The following CCDC179 variants were observed in gnomAD, a reference collection of about 807,000 sequenced individuals.
CCDC179 encodes the protein coiled-coil domain-containing protein 179.
A neutral mutation model predicts 12.0 loss-of-function variants in CCDC179; 17 were observed. The ratio of observed to expected loss-of-function variants is 1.42; its 90% CI spans 0.97 to 2.13. The LOEUF (loss-of-function observed/expected upper bound fraction) is 2.13, where lower values mean the gene tolerates loss of function less well. Ranked by LOEUF, CCDC179 falls within the 30% of genes most tolerant of loss-of-function variation. The pLI is 0.00. For missense variants in CCDC179, 83 were observed against 78.6 expected, an observed-to-expected ratio of 1.06 and a Z score of -0.21; for synonymous variants, 27 against 26.4, an observed-to-expected ratio of 1.02 and a Z score of -0.07.
chr11:22,847,457 A>G lies in CCDC179; in HGVS notation c.*53T>C. 3.3e-6 allele frequency: 4 copies of G among 1,229,530 alleles called. No individual in the cohort carries two copies. Among genetic ancestry groups the G allele is most frequent in the Admixed American group, 2.4e-5 (1 of 41,344 alleles). The allele number at this position is 1,229,530 out of a possible 1,614,324, so 76.2% of individuals were successfully genotyped here. A position where few individuals can be genotyped will look rare whatever the true frequency, so the allele number is the denominator to read the frequency against. On this transcript the variant is annotated 3_prime_UTR_variant, in exon 4 of 4. Transcript: ENST00000532798. ...CATGATATGTCACTTGATGTTCACAATCCACATATTTCTGTCTGGAGCATG... is the reference window on the plus strand; with the variant it reads ...CATGATATGTCACTTGATGTTCACAGTCCACATATTTCTGTCTGGAGCATG...
At chr11:22,857,201 A>C (rs909070145) in intron 3 of CCDC179, among the ~76,000 whole-genome samples, 6 of 151,700 alleles carry the variant, frequency 4.0e-5, no homozygotes, top group Admixed American at 6.6e-5. Flanking sequence ...GAAAAGTTCC[A>C]GAAAAGCCAA....
chr11:22,847,423 T>G lies in CCDC179; in HGVS notation c.*87A>C. 1 of 765,190 alleles carries G rather than the reference T, an allele frequency of 1.3e-6. No individual in the cohort carries two copies. The highest frequency in any genetic ancestry group is 1.9e-6 in the Non-Finnish European group (1 of 514,278). The allele number at this position is 765,190 out of a possible 1,614,324, so 47.4% of individuals were successfully genotyped here. On this transcript the variant is annotated 3_prime_UTR_variant, in exon 4 of 4. Transcript: ENST00000532798. ...TGGAGTATTGCATTTATTTTGTGGA[T>G]GATCAATTCATGATATGTCACTTGA...
chr11:22,848,289 C>CA (rs1858275511), intron 3 of CCDC179, among the ~76,000 whole-genome samples: 1 of 151,912 alleles, frequency 6.6e-6, no homozygotes, highest in African/African-American at 2.4e-5. Flanking sequence ...ACTAAAAATA[C>CA]AAAAATTAGC....
At chr11:22,848,271 C>G (rs956405933) in intron 3 of CCDC179, among the ~76,000 whole-genome samples, 1 of 152,020 alleles carries the variant, frequency 6.6e-6, no homozygotes, top group African/African-American at 2.4e-5. Context: ...TGGTGAAACC[C>G]CATCTCTACT....
At chr11:22,848,324 A>T (rs1027081472) in intron 3 of CCDC179, among the ~76,000 whole-genome samples, 1 of 152,062 alleles carries the variant, frequency 6.6e-6, no homozygotes, top group African/African-American at 2.4e-5. Flanking sequence ...CATGCCTGTA[A>T]TCCCAGCTAC....
chr11:22,853,100 C>G (rs1040399807), intron 3 of CCDC179, among the ~76,000 whole-genome samples: 1 of 152,136 alleles, frequency 6.6e-6, no homozygotes, highest in African/African-American at 2.4e-5. Flanking sequence ...TCTGATATCA[C>G]AGTTACAAAT....
At position 22,857,924 on chromosome 11, in the gene CCDC179, G is replaced by C. The variant is rs1332031596; in HGVS notation, c.193C>G (p.Leu65Val). 9 of 1,472,288 alleles carry C rather than the reference G, an allele frequency of 6.1e-6. No individual in the cohort carries two copies. The highest frequency in any genetic ancestry group is 2.2e-5 in the Admixed American group (1 of 45,994). 91.2% of individuals were successfully genotyped at this position (1,472,288 alleles called of 1,614,324 possible). A position where few individuals can be genotyped will look rare whatever the true frequency, so the allele number is the denominator to read the frequency against. The change falls in exon 3 of 4, where the codon CTA (leucine) becomes GTA (valine). Residue 65 changes from leucine to valine, a missense_variant and splice_region_variant. Transcript: ENST00000532798. ...RPSPIPEPGLLWSS is the reference protein window; with the variant it reads ...RPSPIPEPGLVWSS ...TTCAGTGAAACCTCTATACTTACTA[G>C]GAGTCCTGGTTCTGGAATAGGAGAA... is the stretch of plus-strand genomic sequence containing the variant.
In CCDC179 at chr11:22,857,910, C is replaced by G. The variant is rs772236999; in HGVS notation, c.195+12G>C. 60 of 1,363,796 alleles carry G rather than the reference C, an allele frequency of 4.4e-5. No homozygotes were observed. The highest frequency in any genetic ancestry group is 5.2e-5 in the Non-Finnish European group (52 of 1,009,274). 84.5% of individuals were successfully genotyped at this position (1,363,796 alleles called of 1,614,324 possible). A position where few individuals can be genotyped will look rare whatever the true frequency, so the allele number is the denominator to read the frequency against. On this transcript the variant is annotated intron_variant, in intron 3 of 3. Coordinates refer to ENST00000532798, the MANE Select transcript of CCDC179 (RefSeq NM_001195637.2). ...AATGATCTGTTAATTTCAGTGAAAC[C>G]TCTATACTTACTAGGAGTCCTGGTT...
intron 3 of CCDC179, among the ~76,000 whole-genome samples, chr11:22,848,225 C>T (rs1858273912): frequency 1.3e-5 from 2 of 152,158 alleles, no homozygotes; most frequent in Admixed American, 6.5e-5. Context: ...AGGAGGATTA[C>T]CTGAGGCCAG....
At chr11:22,851,679 C>G (rs1858407270) in intron 3 of CCDC179, among the ~76,000 whole-genome samples, 1 of 152,206 alleles carries the variant, frequency 6.6e-6, no homozygotes, top group Non-Finnish European at 1.5e-5. Flanking sequence ...CCCTGAAAAC[C>G]AGAGAGACAG....
intron 1 of CCDC179, among the ~76,000 whole-genome samples, chr11:22,860,134 G>C (rs1483918247): frequency 6.6e-6 from 1 of 152,144 alleles, no homozygotes; most frequent in African/African-American, 2.4e-5. Flanking sequence ...CAGGCCAATG[G>C]GGCAGTCAAC....
chr11:22,857,148 T>G (rs572054400), intron 3 of CCDC179, among the ~76,000 whole-genome samples: 1 of 151,642 alleles, frequency 6.6e-6, no homozygotes, highest in Non-Finnish European at 1.5e-5. Flanking sequence ...GCAAGTTACT[T>G]TGTAGATTTC....
intron 3 of CCDC179, among the ~76,000 whole-genome samples, chr11:22,850,967 T>C (rs1477894290): frequency 1.2e-4 from 3 of 24,886 alleles, no homozygotes; most frequent in African/African-American, 2.9e-4. Flanking sequence ...TATATATATA[T>C]ATATATATAT....
chr11:22,848,553 C>T (rs1224275929), intron 3 of CCDC179, among the ~76,000 whole-genome samples: 2 of 152,088 alleles, frequency 1.3e-5, no homozygotes, highest in Non-Finnish European at 1.5e-5. Context: ...TTGTACTGGG[C>T]AAAAGTTATT....
Position 22,847,456 on chromosome 11 carries a change from A to C in CCDC179, c.*54T>G, listed in dbSNP as rs1389787740. The stretch of plus-strand genomic sequence containing the variant: ...TCATGATATGTCACTTGATGTTCAC[A>C]ATCCACATATTTCTGTCTGGAGCAT... On this transcript the variant is annotated 3_prime_UTR_variant, in exon 4 of 4. Transcript: ENST00000532798. 3 of 1,213,440 alleles carry C rather than the reference A, an allele frequency of 2.5e-6. No individual in the cohort carries two copies. Among genetic ancestry groups the C allele is most frequent in the African/African-American group, 1.5e-5 (1 of 65,102 alleles). 75.2% of individuals were successfully genotyped at this position (1,213,440 alleles called of 1,614,324 possible). A position where few individuals can be genotyped will look rare whatever the true frequency, so the allele number is the denominator to read the frequency against.
Position 22,859,500 on chromosome 11 carries a change from T to C in CCDC179, c.46-4A>G. ...GATGATGTTGTCTTGGTCCTTCCTA[T>C]ATAATAAACAAAATTAAAACACATT... On this transcript the variant is annotated splice_region_variant and splice_polypyrimidine_tract_variant and intron_variant, in intron 1 of 3. Transcript: ENST00000532798. The C allele has an allele frequency of 6.8e-7, 1 of 1,464,658 alleles. No individual in the cohort carries two copies. The highest frequency in any genetic ancestry group is 1.5e-5 in the South Asian group (1 of 67,632). 90.7% of individuals were successfully genotyped at this position (1,464,658 alleles called of 1,614,324 possible). A position where few individuals can be genotyped will look rare whatever the true frequency, so the allele number is the denominator to read the frequency against.
At chr11:22,854,041 T>C (rs1858480666) in intron 3 of CCDC179, among the ~76,000 whole-genome samples, 1 of 151,718 alleles carries the variant, frequency 6.6e-6, no homozygotes, top group East Asian at 1.9e-4. Flanking sequence ...GAGAATGGAG[T>C]AAAATATTTA....
At position 22,860,397 on chromosome 11, in the gene CCDC179, C is replaced by A. The variant is rs757673440; in HGVS notation, c.25G>T (p.Glu9Ter). The part of the protein sequence containing the change: MCLYCWDI[E>*]PSQVNPEGPR... The stretch of plus-strand genomic sequence containing the variant: ...CTCACAGGGTTGACTTGGGAAGGCT[C>A]GATGTCCCAGCAATACAGGCACATG... The change falls in exon 1 of 4, where the codon GAG becomes TAG. Residue 9 changes from glutamate to a stop codon, truncating the protein, a stop_gained. Transcript: ENST00000532798. LOFTEE classifies it high-confidence loss of function. The A allele has an allele frequency of 5.9e-6, 9 of 1,535,482 alleles. No homozygotes were observed. In the Admixed American group the frequency reaches 7.9e-5, roughly 13 times the overall value.
In CCDC179 at chr11:22,847,413, A is replaced by G; in HGVS notation, c.*97T>C. The G allele has an allele frequency of 1.4e-6, 1 of 710,760 alleles. No homozygotes were observed. Among genetic ancestry groups the G allele is most frequent in the Non-Finnish European group, 2.1e-6 (1 of 466,368 alleles). The allele number at this position is 710,760 out of a possible 1,614,324, so 44.0% of individuals were successfully genotyped here. On this transcript the variant is annotated 3_prime_UTR_variant, in exon 4 of 4. Transcript: ENST00000532798. The stretch of plus-strand genomic sequence containing the variant: ...TCCGAAATGGTGGAGTATTGCATTT[A>G]TTTTGTGGATGATCAATTCATGATA...
Sources: gnomAD v4.1 joint callset for allele counts (sites outside exome capture counted in the v4.1 genomes callset) on GRCh38, gnomAD v4.1.1 for gene constraint, MANE v1.5 for transcripts, NCBI Gene and HGNC (gene_info 2026-07-23, HGNC 2026-07-21) for gene names.